CPNE8: variants seen among roughly 807,000 people sequenced by gnomAD.
The protein encoded by CPNE8 is copine 8, also known as copine-8.
Under a neutral mutation model 81.5 loss-of-function variants are expected in CPNE8, and 45 were observed. That is an observed-to-expected ratio of 0.55 (90% CI 0.44 to 0.71). The LOEUF is 0.71. CPNE8 is among the 30% of genes least tolerant of loss of function. The pLI, the probability that CPNE8 is intolerant of heterozygous loss-of-function variation, is 0.00. For missense variants in CPNE8, 594 were observed against 672.1 expected (o/e 0.88, Z 1.28); for synonymous variants, 252 against 226.3 (o/e 1.11, Z -1.02).
At chr12:38,670,886 T>G in intron 18 of CPNE8, 84 bp from the exon 19 acceptor site, 1 of 925,770 alleles carries the variant, frequency 1.1e-6, no homozygotes. Flanking sequence ...TCAAGATGTA[T>G]GAAGTAGCAA....
chr12:38,787,344 T>A (rs1317480290), intron 6 of CPNE8, among the ~76,000 whole-genome samples: 1 of 151,804 alleles, frequency 6.6e-6, no homozygotes, highest in African/African-American at 2.4e-5. Context: ...TAAAATATGC[T>A]CCTGAAATGA....
At chr12:38,837,411 C>T (rs1943401145) in intron 5 of CPNE8, among the ~76,000 whole-genome samples, 1 of 152,058 alleles carries the variant, frequency 6.6e-6, no homozygotes, top group South Asian at 2.1e-4. Flanking sequence ...CTAGGAAATA[C>T]TTAACAAGCA....
intron 13 of CPNE8, among the ~76,000 whole-genome samples, chr12:38,711,446 T>G (rs1233665814): frequency 2.0e-5 from 3 of 151,006 alleles, no homozygotes; most frequent in Non-Finnish European, 4.4e-5. Flanking sequence ...ACTAGATATC[T>G]CTAAGCTTTC....
chr12:38,819,290 C>T (rs36035670), intron 6 of CPNE8, among the ~76,000 whole-genome samples: 35,670 of 151,876 alleles, frequency 0.23, 5,388 homozygotes, highest in Non-Finnish European at 0.33. Context: ...GTCTTTAATC[C>T]ATCTTGAGTT....
intron 4 of CPNE8, among the ~76,000 whole-genome samples, chr12:38,845,745 C>T (rs1481821416): frequency 6.6e-6 from 1 of 151,892 alleles, no homozygotes; most frequent in East Asian, 1.9e-4. Context: ...TGTGAGTATT[C>T]TAAAAAATGG....
At chr12:38,873,838 C>T (rs572124864) in intron 2 of CPNE8, among the ~76,000 whole-genome samples, 1 of 152,224 alleles carries the variant, frequency 6.6e-6, no homozygotes, top group African/African-American at 2.4e-5. Flanking sequence ...TCTCACTTTA[C>T]AAGTTATCTC....
At chr12:38,673,509 T>C (rs1225386952) in intron 18 of CPNE8, among the ~76,000 whole-genome samples, 1 of 151,930 alleles carries the variant, frequency 6.6e-6, no homozygotes, top group Non-Finnish European at 1.5e-5. Flanking sequence ...CATGAAGAGA[T>C]GTGTTTTGAA....
At chr12:38,866,432 A>C (rs1203145706) in intron 3 of CPNE8, among the ~76,000 whole-genome samples, 1 of 152,242 alleles carries the variant, frequency 6.6e-6, no homozygotes, top group Non-Finnish European at 1.5e-5. Context: ...ATCAGTAGCC[A>C]TGCAGAATGC....
chr12:38,825,608 T>G (rs1213669691), intron 6 of CPNE8, among the ~76,000 whole-genome samples: 3 of 152,216 alleles, frequency 2.0e-5, no homozygotes, highest in Non-Finnish European at 4.4e-5. Flanking sequence ...AGTAAAATGC[T>G]ATTTGCATAG....
chr12:38,678,968 C>A (rs1939352278), intron 16 of CPNE8, among the ~76,000 whole-genome samples: 1 of 151,786 alleles, frequency 6.6e-6, no homozygotes, highest in African/African-American at 2.4e-5. Context: ...TTCTCCTATT[C>A]CACGTTTAAC....
intron 11 of CPNE8, among the ~76,000 whole-genome samples, chr12:38,728,701 A>G (rs1212298415): frequency 1.3e-5 from 2 of 152,192 alleles, no homozygotes; most frequent in East Asian, 3.8e-4. Flanking sequence ...AGAAATAATT[A>G]TATGAAGAAC....
In CPNE8 at chr12:38,788,648, C is replaced by T. The variant is rs183475876; in HGVS notation, c.408-12347G>A. 3.7e-3 allele frequency among the ~76,000 whole-genome samples: 556 copies of T among 151,368 alleles called. 2 individuals carry two copies. The highest frequency in any genetic ancestry group is 0.013 in the African/African-American group (533 of 41,398). On this transcript the variant is annotated intron_variant, in intron 6 of 19. Transcript: ENST00000331366. ...ACAAGAGAAAGGTATAGAAGGCATC[C>T]AAATCAAAAAGAAAGGAGTCAAATT...
intron 18 of CPNE8, among the ~76,000 whole-genome samples, chr12:38,672,866 A>G (rs1352788865): frequency 2.0e-5 from 3 of 152,132 alleles, no homozygotes; most frequent in Non-Finnish European, 4.4e-5. Flanking sequence ...AACATATTGT[A>G]TTTCTTGCCC....
At chr12:38,882,591 G>T (rs982317856) in intron 1 of CPNE8, among the ~76,000 whole-genome samples, 2 of 152,252 alleles carry the variant, frequency 1.3e-5, no homozygotes, top group African/African-American at 2.4e-5. Context: ...TCAGTAACAG[G>T]TCATCTTGTC....
At chr12:38,689,804 T>C (rs991166665) in intron 15 of CPNE8, among the ~76,000 whole-genome samples, 1 of 152,188 alleles carries the variant, frequency 6.6e-6, no homozygotes, top group Non-Finnish European at 1.5e-5. Context: ...TCATTAGAAA[T>C]ACCTCTACCA....
chr12:38,859,455 T>G (rs1943797412), intron 3 of CPNE8, among the ~76,000 whole-genome samples: 1 of 152,076 alleles, frequency 6.6e-6, no homozygotes, highest in Non-Finnish European at 1.5e-5. Context: ...TGGAAAAACC[T>G]CCATGTTAAT....
At chr12:38,678,692 AC>A (rs1939344666) in intron 16 of CPNE8, among the ~76,000 whole-genome samples, 2 of 151,968 alleles carry the variant, frequency 1.3e-5, no homozygotes, top group Admixed American at 1.3e-4. Flanking sequence ...AAAAATACTT[AC>A]AACTTTCCCC....
At position 38,795,867 on chromosome 12, in the gene CPNE8, G is replaced by GGATAGATAGATAGATAGATAGATA. The variant is rs11377515; in HGVS notation, c.408-19590_408-19567dup. 6.4e-3 allele frequency among the ~76,000 whole-genome samples: 950 copies of GGATAGATAGATAGATAGATAGATA among 148,246 alleles called. 3 individuals carry two copies. The highest frequency in any genetic ancestry group is 8.8e-3 in the Non-Finnish European group (592 of 67,564). On this transcript the variant is annotated intron_variant, in intron 6 of 19. Transcript: ENST00000331366. ...TAAATATGATGATAGATGGATGGATGGATAGATAGATAGATAGATAGATAG... is the reference window on the plus strand; with the variant it reads ...TAAATATGATGATAGATGGATGGATGGATAGATAGATAGATAGATAGATAGATAGATAGATAGATAGATAGATAG...
intron 6 of CPNE8, among the ~76,000 whole-genome samples, chr12:38,806,995 T>A (rs1043458857): frequency 6.6e-6 from 1 of 151,614 alleles, no homozygotes; most frequent in Non-Finnish European, 1.5e-5. Flanking sequence ...TGAACTCCCA[T>A]TCACAACTGC....
Sources: allele counts gnomAD v4.1 joint callset (sites outside exome capture counted in the v4.1 genomes callset), GRCh38; gene constraint gnomAD v4.1.1; transcripts MANE v1.5; gene names NCBI Gene and HGNC (gene_info 2026-07-23, HGNC 2026-07-21).